Variants in FBXO15 observed in about 807,000 individuals in gnomAD.
FBXO15 encodes F-box protein 15.
Under a neutral mutation model 49.5 loss-of-function variants are expected in FBXO15, and 30 were observed. The observed-to-expected ratio is 0.61, with a 90% CI of 0.45 to 0.82. The LOEUF (loss-of-function observed/expected upper bound fraction) is 0.82, where lower values mean the gene tolerates loss of function less well. Ranked by LOEUF, FBXO15 falls within the 40% of genes least tolerant of loss-of-function variation. The probability of loss-of-function intolerance (pLI) is 0.00; values close to 1 mark genes in which losing one functional copy is unlikely to be tolerated. For synonymous variants in FBXO15, 250 were observed against 232.7 expected (o/e 1.07, Z -0.68); for missense variants, 591 against 631.5 (o/e 0.94, Z 0.69).
intron 1 of FBXO15, among the ~76,000 whole-genome samples, chr18:74,145,679 G>A (rs1979367057): frequency 7.1e-6 from 1 of 140,612 alleles, no homozygotes; most frequent in East Asian, 2.2e-4. Flanking sequence ...CTCACTGCAA[G>A]CTCCGCCTCC....
chr18:74,078,009 C>T (rs112339001), intron 9 of FBXO15, among the ~76,000 whole-genome samples: 132 of 152,202 alleles, frequency 8.7e-4, no homozygotes, highest in African/African-American at 1.7e-3. Flanking sequence ...CCATCACCTG[C>T]GAGAAGGTTG....
intron 6 of FBXO15, 32 bp downstream of exon 6, chr18:74,125,942 AT>A (rs1914688785): frequency 1.2e-6 from 2 of 1,609,954 alleles, no homozygotes; most frequent in African/African-American, 2.7e-5. Context: ...TGATGGGGAA[AT>A]GACACAGTAC....
chr18:74,125,342 G>C (rs1914660679), intron 6 of FBXO15, among the ~76,000 whole-genome samples: 1 of 152,220 alleles, frequency 6.6e-6, no homozygotes, highest in East Asian at 1.9e-4. Context: ...CTAAGGAAAA[G>C]GGATGAGGAT....
chr18:74,084,087 A>T (rs1420905999), intron 8 of FBXO15, among the ~76,000 whole-genome samples: 3 of 152,266 alleles, frequency 2.0e-5, no homozygotes, highest in Non-Finnish European at 4.4e-5. Flanking sequence ...CAATAGAGTA[A>T]GAAATATGCA....
intron 8 of FBXO15, among the ~76,000 whole-genome samples, chr18:74,094,222 G>A (rs1913179722): frequency 6.6e-6 from 1 of 152,184 alleles, no homozygotes; most frequent in Non-Finnish European, 1.5e-5. Context: ...GTAGGGCCTG[G>A]TGGGAGCTGA....
At chr18:74,106,440 C>A (rs192313844) in intron 8 of FBXO15, among the ~76,000 whole-genome samples, 44 of 152,152 alleles carry the variant, frequency 2.9e-4, no homozygotes, top group East Asian at 1.7e-3. Flanking sequence ...ACCAATTGAA[C>A]ATGAATAATG....
chr18:74,128,343 A>C (rs1978298779), intron 5 of FBXO15, among the ~76,000 whole-genome samples: 2 of 151,986 alleles, frequency 1.3e-5, no homozygotes, highest in Non-Finnish European at 2.9e-5. Context: ...GCAAAAAAAA[A>C]AAAAAGTGTC....
intron 8 of FBXO15, among the ~76,000 whole-genome samples, chr18:74,115,297 C>A (rs1400225773): frequency 1.3e-5 from 2 of 152,140 alleles, no homozygotes; most frequent in Non-Finnish European, 2.9e-5. Flanking sequence ...TGAGCATTTA[C>A]CACTGAGTCA....
intron 8 of FBXO15, among the ~76,000 whole-genome samples, chr18:74,096,270 G>A (rs1913269899): frequency 6.6e-6 from 1 of 152,096 alleles, no homozygotes; most frequent in African/African-American, 2.4e-5. Flanking sequence ...CTCAGACAAA[G>A]GAGATGCCAA....
At chr18:74,120,344 CACTCT>C (rs1445410804) in intron 8 of FBXO15, among the ~76,000 whole-genome samples, 16 of 152,288 alleles carry the variant, frequency 1.1e-4, no homozygotes, top group African/African-American at 3.6e-4. Flanking sequence ...TATTTTCGAA[CACTCT>C]ACTCAACAAC....
At chr18:74,089,165 G>A (rs4456596) in intron 8 of FBXO15, among the ~76,000 whole-genome samples, 34,093 of 151,922 alleles carry the variant, frequency 0.22, 5,034 homozygotes, top group African/African-American at 0.4. Flanking sequence ...CCCAGTGTGC[G>A]TTGTTCCCCT....
At chr18:74,143,618 G>A (rs1415607551) in intron 1 of FBXO15, among the ~76,000 whole-genome samples, 3 of 152,250 alleles carry the variant, frequency 2.0e-5, no homozygotes, top group South Asian at 4.1e-4. Flanking sequence ...TACTAAAAAC[G>A]GTATAGAGAT....
At chr18:74,144,226 T>C (rs929716571) in intron 1 of FBXO15, among the ~76,000 whole-genome samples, 3 of 152,202 alleles carry the variant, frequency 2.0e-5, no homozygotes, top group Non-Finnish European at 2.9e-5. Flanking sequence ...AAAGTAAATA[T>C]ATGCATACAA....
At chr18:74,093,743 T>A (rs1306445325) in intron 8 of FBXO15, among the ~76,000 whole-genome samples, 1 of 152,234 alleles carries the variant, frequency 6.6e-6, no homozygotes, top group African/African-American at 2.4e-5. Context: ...AAGTCATCCA[T>A]GAGGGTTAGA....
chr18:74,091,786 T>C (rs1379663423), intron 8 of FBXO15, among the ~76,000 whole-genome samples: 3 of 152,204 alleles, frequency 2.0e-5, no homozygotes, highest in Non-Finnish European at 2.9e-5. Flanking sequence ...GCAGGTAACA[T>C]GCCCCTTCCC....
rs1335583092 is a variant in FBXO15, at chr18:74,147,570, T to TTG, written c.116+98_116+99dup. The stretch of plus-strand genomic sequence containing the variant: ...CTCACGTTGAAGACGGCCACGGGCC[T>TTG]TGCGCCAAGCTGGACGAATAAAATA... On this transcript the variant is annotated intron_variant, in intron 1 of 9. Transcript: ENST00000419743. 2.3e-6 allele frequency: 3 copies of TTG among 1,304,190 alleles called. No homozygotes were observed. The African/African-American group carries it at 4.6e-5, about 20-fold the overall frequency. 80.8% of individuals were successfully genotyped at this position (1,304,190 alleles called of 1,614,324 possible).
chr18:74,139,281 A>G (rs1978917456), intron 2 of FBXO15, among the ~76,000 whole-genome samples: 1 of 152,220 alleles, frequency 6.6e-6, no homozygotes, highest in Non-Finnish European at 1.5e-5. Context: ...AGAACATGTG[A>G]GTGGCTCACC....
chr18:74,113,860 A>G (rs577660372), intron 8 of FBXO15, among the ~76,000 whole-genome samples: 15 of 152,348 alleles, frequency 9.8e-5, no homozygotes, highest in Non-Finnish European at 2.1e-4. Context: ...TTACACTTCA[A>G]AGACACAACT....
intron 8 of FBXO15, among the ~76,000 whole-genome samples, chr18:74,111,261 CAAA>C (rs60236226): frequency 1.1e-4 from 9 of 84,352 alleles, no homozygotes; most frequent in Admixed American, 2.3e-4. Flanking sequence ...GTCTCTGTCT[CAAA>C]AAAAAAAAAA....
Sources: allele counts gnomAD v4.1 joint callset (sites outside exome capture counted in the v4.1 genomes callset), GRCh38; gene constraint gnomAD v4.1.1; transcripts MANE v1.5; gene names NCBI Gene and HGNC (gene_info 2026-07-23, HGNC 2026-07-21).